The following GCN1 variants were observed in gnomAD, a reference collection of about 807,000 sequenced individuals.
GCN1 encodes stalled ribosome sensor GCN1.
GCN1 carries 90 observed loss-of-function variants against 288.4 expected under a neutral mutation model. The observed-to-expected ratio is 0.31, with a 90% CI of 0.26 to 0.37. The LOEUF (loss-of-function observed/expected upper bound fraction) is 0.37, where lower values mean the gene tolerates loss of function less well. Among genes scored for constraint, GCN1 ranks in the 10% least tolerant of loss-of-function variants. The pLI, the probability that GCN1 is intolerant of heterozygous loss-of-function variation, is 1.00. For synonymous variants in GCN1, 1,386 were observed against 1,420.2 expected (o/e 0.98, Z 0.54); for missense variants, 2,586 against 3,419.9 (o/e 0.76, Z 6.08).
chr12:120,152,972 G>T (rs1877616504), intron 33 of GCN1, among the ~76,000 whole-genome samples: 1 of 151,922 alleles, frequency 6.6e-6, no homozygotes, highest in Admixed American at 6.6e-5. Flanking sequence ...AACCAGGTGA[G>T]TAGAAAAAAA....
intron 18 of GCN1, among the ~76,000 whole-genome samples, 178 bp from the exon 19 acceptor site, chr12:120,163,437 G>A (rs1877995613): frequency 6.6e-6 from 1 of 152,228 alleles, no homozygotes; most frequent in Non-Finnish European, 1.5e-5. Context: ...AGATGTGCCT[G>A]GAAGAAGGAA....
Position 120,160,126 on chromosome 12 carries a change from G to A in GCN1, c.2550+16C>T, listed in dbSNP as rs762588106. 24 of 1,598,746 alleles carry A rather than the reference G, an allele frequency of 1.5e-5. No homozygotes were observed. Among genetic ancestry groups the A allele is most frequent in the East Asian group, 2.2e-5 (1 of 44,824 alleles). On this transcript the variant is annotated intron_variant, in intron 23 of 57. Transcript: ENST00000300648. ...CACTCTTCCGGCTTGAGCATGTGGC[G>A]GAGGTGGCCACTCACCTCCTGCAGC...
At position 120,161,480 on chromosome 12, in the gene GCN1, G is replaced by A. The variant is rs111451055; in HGVS notation, c.2436+10C>T. On this transcript the variant is annotated intron_variant, in intron 22 of 57. Coordinates refer to ENST00000300648, the MANE Select transcript of GCN1 (RefSeq NM_006836.2). Reference sequence around the variant, plus strand: ...GCAGCCACCTTCCGTAAGTGCCTCCGTGTACTCACCTCCTTCAGCTCCAGC... The same window carrying A: ...GCAGCCACCTTCCGTAAGTGCCTCCATGTACTCACCTCCTTCAGCTCCAGC... The A allele has an allele frequency of 5.5e-4, 873 of 1,593,292 alleles. 5 individuals carry two copies. In the African/African-American group the frequency reaches 0.011, roughly 20 times the overall value.
chr12:120,164,244 C>A, intron 18 of GCN1, 92 bp downstream of exon 18: 2 of 1,073,430 alleles, frequency 1.9e-6, no homozygotes, highest in Non-Finnish European at 2.8e-6. Flanking sequence ...AGAAAGAACA[C>A]CCAGGGAGTG....
At chr12:120,138,626 C>T in intron 46 of GCN1, 69 bp downstream of exon 46, 2 of 1,469,594 alleles carry the variant, frequency 1.4e-6, no homozygotes, top group Admixed American at 1.7e-5. Context: ...GAATAATCGC[C>T]CTGTATTTTC....
intron 1 of GCN1, 46 bp from the exon 2 acceptor site, chr12:120,190,446 A>C: frequency 7.0e-6 from 7 of 1,002,092 alleles, no homozygotes; most frequent in Non-Finnish European, 9.6e-6. Flanking sequence ...AGACTATAAA[A>C]CTATGAGTGT....
Position 120,158,158 on chromosome 12 carries a change from C to T in GCN1, c.2906-128G>A. On this transcript the variant is annotated intron_variant, in intron 25 of 57. Transcript: ENST00000300648. The surrounding 1 kb of genome is among the most constrained non-coding windows in gnomAD (Gnocchi z 4.3). ...AGGCCCGTTCTGACACCTGGAAGCA[C>T]ATGGCACGAGGACAGAGACAGCAGC... 1.2e-6 allele frequency: 1 copy of T among 865,598 alleles called. No homozygotes were observed. Among genetic ancestry groups the T allele is most frequent in the Non-Finnish European group, 1.8e-6 (1 of 563,842 alleles). The allele number at this position is 865,598 out of a possible 1,614,324, so 53.6% of individuals were successfully genotyped here.
At chr12:120,135,183 C>T (rs1022260308) in intron 51 of GCN1, among the ~76,000 whole-genome samples, 4 of 152,180 alleles carry the variant, frequency 2.6e-5, no homozygotes, top group African/African-American at 7.2e-5. Context: ...CAGCAGGATA[C>T]GCACTCCACA....
intron 16 of GCN1, among the ~76,000 whole-genome samples, chr12:120,166,864 A>G (rs755005287): frequency 1.8e-4 from 28 of 151,578 alleles, no homozygotes; most frequent in Non-Finnish European, 2.5e-4. Flanking sequence ...AAATACAAAA[A>G]TTAGCCAGAT....
chr12:120,154,718 G>A (rs948747267), intron 31 of GCN1, among the ~76,000 whole-genome samples: 1 of 152,198 alleles, frequency 6.6e-6, no homozygotes, highest in Non-Finnish European at 1.5e-5. Flanking sequence ...AGCCACATGC[G>A]GTTAGTGGCT....
chr12:120,176,184 T>A lies in GCN1; in HGVS notation c.872A>T (p.Asp291Val). The part of the protein sequence containing the change: ...ISSLLASVTL[D>V]LSQYAMDIVK... ...GATGTCCATGGCATACTGGCTGAGG[T>A]CAAGCGTCACTGATGCCAGCAGACT... is the stretch of plus-strand genomic sequence containing the variant. Residue 291 changes from aspartate (D) to valine (V), a missense_variant, in exon 10 of 58, where the codon GAC (aspartate) becomes GTC (valine). Physicochemically the swap from Asp to Val is radical, Grantham distance 152. Around this residue, in one of 8 missense-constraint regions of GCN1, gnomAD observed 913 missense variants for 1,107.0 expected, o/e 0.82. Transcript: ENST00000300648. The A allele has an allele frequency of 6.2e-7, 1 of 1,612,396 alleles. No individual in the cohort carries two copies. The highest frequency in any genetic ancestry group is 8.5e-7 in the Non-Finnish European group (1 of 1,178,498).
chr12:120,129,734 G>C (rs1282393574), intron 56 of GCN1, among the ~76,000 whole-genome samples: 1 of 152,068 alleles, frequency 6.6e-6, no homozygotes, highest in African/African-American at 2.4e-5. Context: ...CCAGGGCCTC[G>C]GGCCTCTGCC....
intron 16 of GCN1, among the ~76,000 whole-genome samples, chr12:120,165,075 C>A (rs1005013885): frequency 6.7e-6 from 1 of 150,374 alleles, no homozygotes; most frequent in African/African-American, 2.5e-5. Flanking sequence ...GAGACAGTCA[C>A]GCTCTGTCGC....
At chr12:120,162,468 G>A (rs1345294410) in intron 20 of GCN1, among the ~76,000 whole-genome samples, 1 of 152,236 alleles carries the variant, frequency 6.6e-6, no homozygotes, top group Non-Finnish European at 1.5e-5. Context: ...CCTAGGAGCT[G>A]ATGGCAAGAC....
chr12:120,180,348 G>C (rs1381535369), intron 5 of GCN1, among the ~76,000 whole-genome samples: 1 of 151,858 alleles, frequency 6.6e-6, no homozygotes, highest in African/African-American at 2.4e-5. Flanking sequence ...CAGGTGCAAT[G>C]GTTCACGCCT....
At chr12:120,175,544 A>C (rs1331182864) in intron 11 of GCN1, among the ~76,000 whole-genome samples, 1 of 152,204 alleles carries the variant, frequency 6.6e-6, no homozygotes, top group African/African-American at 2.4e-5. Context: ...TTAAAAACAA[A>C]AAACCTGAGA....
At position 120,161,514 on chromosome 12, in the gene GCN1, C is replaced by A; in HGVS notation, c.2412G>T (p.Gln804His). 6.2e-7 allele frequency: 1 copy of A among 1,613,506 alleles called. No individual in the cohort carries two copies. Among genetic ancestry groups the A allele is most frequent in the Non-Finnish European group, 8.5e-7 (1 of 1,179,422 alleles). The change falls in exon 22 of 58, where the codon CAG becomes CAT. Residue 804 changes from glutamine to histidine, a missense_variant. Gln to His is a conservative substitution (Grantham distance 24, BLOSUM62 0). Transcript: ENST00000300648. ...RENKAYSFKE[Q>H]IIELELKEEI... ...CCTCCTTCAGCTCCAGCTCGATGAT[C>A]TGCTCTTTGAAGGAATAAGCTTTGT...
At chr12:120,165,002 T>TACACACACACACACAC (rs55710290) in intron 16 of GCN1, among the ~76,000 whole-genome samples, 160 of 136,868 alleles carry the variant, frequency 1.2e-3, no homozygotes, top group African/African-American at 4.2e-3. Flanking sequence ...TACACATATA[T>TACACACACACACACAC]ACACACACAC....
intron 8 of GCN1, 30 bp from the exon 9 acceptor site, chr12:120,177,585 C>A (rs1365206775): frequency 1.3e-6 from 2 of 1,548,164 alleles, no homozygotes; most frequent in Non-Finnish European, 8.9e-7. Context: ...AGGCACCTAG[C>A]CCTCATGGGA....
Sources: allele counts gnomAD v4.1 joint callset (sites outside exome capture counted in the v4.1 genomes callset), GRCh38; gene constraint gnomAD v4.1.1; regional missense constraint gnomAD v4.1.1; non-coding constraint Gnocchi (gnomAD v3.1); transcripts MANE v1.5; gene names NCBI Gene and HGNC (gene_info 2026-07-23, HGNC 2026-07-21).